Variants in PTPRT observed in about 807,000 individuals in gnomAD.
The protein encoded by PTPRT is receptor-type tyrosine-protein phosphatase T.
In PTPRT, 56 loss-of-function variants were observed where a neutral mutation model predicts 176.8. The ratio of observed to expected loss-of-function variants is 0.32; its 90% CI spans 0.26 to 0.40. The LOEUF is 0.40. Among genes scored for constraint, PTPRT ranks in the 10% least tolerant of loss-of-function variants. The pLI, the probability that PTPRT is intolerant of heterozygous loss-of-function variation, is 1.00. For synonymous variants in PTPRT, 783 were observed against 739.0 expected (o/e 1.06, Z -0.96); for missense variants, 1,540 against 1,908.2 (o/e 0.81, Z 3.60).
At chr20:42,943,724 C>T (rs545029024) in intron 1 of PTPRT, among the ~76,000 whole-genome samples, 1 of 152,150 alleles carries the variant, frequency 6.6e-6, no homozygotes, top group Non-Finnish European at 1.5e-5. Context: ...CCTCAACAAA[C>T]CTTCCTGGGG....
chr20:42,387,104 G>A (rs2058751981), intron 9 of PTPRT, among the ~76,000 whole-genome samples: 1 of 152,278 alleles, frequency 6.6e-6, no homozygotes, highest in South Asian at 2.1e-4. Flanking sequence ...GCAAGTCTTA[G>A]TGGAAATGAT....
At chr20:42,826,790 G>C (rs2078000950) in intron 2 of PTPRT, among the ~76,000 whole-genome samples, 1 of 152,118 alleles carries the variant, frequency 6.6e-6, no homozygotes, top group South Asian at 2.1e-4. Context: ...AGACCAAATG[G>C]TATGCAATCT....
intron 1 of PTPRT, among the ~76,000 whole-genome samples, chr20:42,955,971 C>T (rs1300214125): frequency 6.6e-6 from 1 of 152,148 alleles, no homozygotes; most frequent in African/African-American, 2.4e-5. Context: ...AGTGTGGAAG[C>T]CCTTGGCCTT....
chr20:42,918,528 T>C lies in PTPRT; in HGVS notation c.89-32596A>G, dbSNP rs150899096. Among the ~76,000 whole-genome samples the C allele has an allele frequency of 4.5e-3, 678 of 152,258 alleles. 7 individuals are homozygous for C. The highest frequency in any genetic ancestry group is 0.016 in the African/African-American group (659 of 41,550). On this transcript the variant is annotated intron_variant, in intron 1 of 30. Transcript: ENST00000373187. ...AGGATTTGCTGACCACAAAGAACATTTCCAGTTTGGTTCATCGATCAAGCC... is the reference window on the plus strand; with the variant it reads ...AGGATTTGCTGACCACAAAGAACATCTCCAGTTTGGTTCATCGATCAAGCC...
At chr20:42,570,866 C>T (rs2073140666) in intron 7 of PTPRT, among the ~76,000 whole-genome samples, 1 of 147,524 alleles carries the variant, frequency 6.8e-6, no homozygotes, top group Admixed American at 7.0e-5. Flanking sequence ...ACTTAATTAA[C>T]TTAATCTATA....
intron 7 of PTPRT, among the ~76,000 whole-genome samples, chr20:42,605,580 T>C (rs2145805044): frequency 6.6e-6 from 1 of 152,330 alleles, no homozygotes; most frequent in Non-Finnish European, 1.5e-5. Context: ...CCAAATATGC[T>C]TCATACCTTG....
Position 42,844,259 on chromosome 20 carries a change from T to C in PTPRT, c.214+41548A>G, listed in dbSNP as rs141401455. Reference sequence around the variant, plus strand: ...ACCAGTAATTAGAAATCATAGTGTTTTTCAAATCTTTTTGTGATGAAAACA... The same window carrying C: ...ACCAGTAATTAGAAATCATAGTGTTCTTCAAATCTTTTTGTGATGAAAACA... On this transcript the variant is annotated intron_variant, in intron 2 of 30. Coordinates refer to ENST00000373187, the MANE Select transcript of PTPRT (RefSeq NM_007050.6). Among the ~76,000 whole-genome samples the C allele has an allele frequency of 2.9e-4, 44 of 152,328 alleles. No individual in the cohort carries two copies. The South Asian group carries it at 4.4e-3, about 15-fold the overall frequency.
chr20:42,535,370 G>T (rs927927982), intron 7 of PTPRT, among the ~76,000 whole-genome samples: 11 of 152,094 alleles, frequency 7.2e-5, no homozygotes, highest in Non-Finnish European at 1.3e-4. Flanking sequence ...ATCTTATAGG[G>T]TCCTACGCTT....
intron 16 of PTPRT, among the ~76,000 whole-genome samples, chr20:42,197,949 T>C (rs1991298379): frequency 6.6e-6 from 1 of 152,232 alleles, no homozygotes; most frequent in Admixed American, 6.5e-5. Context: ...AAGTGCTGTA[T>C]TCTAAATCTG....
chr20:42,776,875 A>T (rs2077145065), intron 4 of PTPRT, among the ~76,000 whole-genome samples: 1 of 149,584 alleles, frequency 6.7e-6, no homozygotes, highest in South Asian at 2.1e-4. Flanking sequence ...TAATATATAG[A>T]TTATAATAAT....
At position 43,189,188 on chromosome 20, in the gene PTPRT, G is replaced by T. The variant is rs945531207; in HGVS notation, c.88+458C>A. Among the ~76,000 whole-genome samples the T allele has an allele frequency of 6.6e-6, 1 of 152,230 alleles. No individual in the cohort carries two copies. The highest frequency in any genetic ancestry group is 2.1e-4 in the South Asian group (1 of 4,824). Reference sequence around the variant, plus strand: ...AGGAAAAAAGAAAAGCCGCCGCCCCGGCAGCCTCGGCCTGCTGGGGACCTG... The same window carrying T: ...AGGAAAAAAGAAAAGCCGCCGCCCCTGCAGCCTCGGCCTGCTGGGGACCTG... On this transcript the variant is annotated intron_variant, in intron 1 of 30. Transcript: ENST00000373187. The surrounding 1 kb of genome is among the most constrained non-coding windows in gnomAD (Gnocchi z 5.0).
chr20:42,096,756 ATTTTTTTTTT>A (rs58111170), intron 27 of PTPRT, among the ~76,000 whole-genome samples: 5,767 of 119,078 alleles, frequency 0.048, 223 homozygotes, highest in Middle Eastern at 0.085. Flanking sequence ...GCTAATTAAA[ATTTTTTTTTT>A]TTTTTTTTTT....
chr20:42,678,268 T>A (rs1050372053), intron 6 of PTPRT, 109 bp from the exon 7 acceptor site: 64 of 1,040,958 alleles, frequency 6.1e-5, no homozygotes, highest in Admixed American at 1.5e-4. Context: ...ACAAAAAAAA[T>A]AGTCAGAAAC....
the PTPRT span, among the ~76,000 whole-genome samples, chr20:42,046,388 A>T: frequency 6.6e-6 from 1 of 152,200 alleles, no homozygotes; most frequent in Non-Finnish European, 1.5e-5. Context: ...CTCTGCCAGG[A>T]GTTTTGGGAA....
chr20:42,890,217 C>T (rs2079169504), intron 1 of PTPRT, among the ~76,000 whole-genome samples: 1 of 152,146 alleles, frequency 6.6e-6, no homozygotes, highest in Admixed American at 6.6e-5. Context: ...GTCTGGATAC[C>T]CACTCCCTAT....
intron 1 of PTPRT, among the ~76,000 whole-genome samples, chr20:42,895,442 T>C (rs2079278712): frequency 6.6e-6 from 1 of 152,198 alleles, no homozygotes; most frequent in Non-Finnish European, 1.5e-5. Flanking sequence ...GCAAAATTCC[T>C]TCACCTTTGT....
chr20:42,266,686 C>T lies in PTPRT; in HGVS notation c.2176+15803G>A, dbSNP rs545964695. On this transcript the variant is annotated intron_variant, in intron 13 of 30. Transcript: ENST00000373187. The stretch of plus-strand genomic sequence containing the variant: ...CAACCAAATACATCTCCAGATTTTG[C>T]CAAACGTCCCCTAGTCCTAGAGAGC... 3.9e-5 allele frequency among the ~76,000 whole-genome samples: 6 copies of T among 152,258 alleles called. No homozygotes were observed. In the East Asian group the frequency reaches 1.2e-3, roughly 29 times the overall value.
At position 42,253,380 on chromosome 20, in the gene PTPRT, C is replaced by T. The variant is rs548004769; in HGVS notation, c.2177-4558G>A. 5.3e-5 allele frequency among the ~76,000 whole-genome samples: 8 copies of T among 152,252 alleles called. No homozygotes were observed. The South Asian group carries it at 1.7e-3, about 32-fold the overall frequency. ...GAAAGGGACTTTTCAGAGGGCTATC[C>T]CACTGGAAGCCCTTCAGTGGGATAA... On this transcript the variant is annotated intron_variant, in intron 13 of 30. Transcript: ENST00000373187.
chr20:42,620,362 C>T (rs1442918923), intron 7 of PTPRT, among the ~76,000 whole-genome samples: 1 of 148,808 alleles, frequency 6.7e-6, no homozygotes, highest in Non-Finnish European at 1.5e-5. Flanking sequence ...GACAGGGACA[C>T]TTAAGTCTGT....
Sources: gnomAD v4.1 joint callset for allele counts (sites outside exome capture counted in the v4.1 genomes callset) on GRCh38, gnomAD v4.1.1 for gene constraint, Gnocchi (gnomAD v3.1) non-coding constraint, MANE v1.5 for transcripts, NCBI Gene and HGNC (gene_info 2026-07-23, HGNC 2026-07-21) for gene names.